MTG2: variants seen among roughly 807,000 people sequenced by gnomAD.
The protein encoded by MTG2 is mitochondrial ribosome-associated GTPase 2.
MTG2 carries 23 observed loss-of-function variants against 28.6 expected under a neutral mutation model. That is an observed-to-expected ratio of 0.80 (90% confidence interval 0.58 to 1.14). The LOEUF (loss-of-function observed/expected upper bound fraction) is 1.14, where lower values mean the gene tolerates loss of function less well. MTG2 is among the 50% of genes most tolerant of loss of function. The pLI is 0.00. For missense variants in MTG2, 539 were observed against 552.0 expected (o/e 0.98, Z 0.24); for synonymous variants, 260 against 251.8 (o/e 1.03, Z -0.31).
At chr20:62,198,028 G>C in intron 4 of MTG2, 61 bp downstream of exon 4, 1 of 1,500,900 alleles carries the variant, frequency 6.7e-7, no homozygotes, top group Non-Finnish European at 9.2e-7. Context: ...CAGCTCCTGG[G>C]GGCCACCGTG....
chr20:62,201,693 G>C lies in MTG2; in HGVS notation c.*616G>C, dbSNP rs145902733. 1 of 152,628 alleles carries C rather than the reference G, an allele frequency of 6.6e-6. No homozygotes were observed. Among genetic ancestry groups the C allele is most frequent in the East Asian group, 1.9e-4 (1 of 5,188 alleles). The allele number at this position is 152,628 out of a possible 1,614,324, so 9.5% of individuals were successfully genotyped here. A position where few individuals can be genotyped will look rare whatever the true frequency, so the allele number is the denominator to read the frequency against. ...AGCTGTGAGCTTTTCTCCATCAGCC[G>C]TCTGAGAAGAGCAGTGAGGCCAGCT... On this transcript the variant is annotated 3_prime_UTR_variant, in exon 7 of 7. Coordinates refer to ENST00000370823, the MANE Select transcript of MTG2 (RefSeq NM_015666.4).
intron 5 of MTG2, 115 bp from the exon 6 acceptor site, chr20:62,199,004 G>C: frequency 1.3e-6 from 2 of 1,553,836 alleles, no homozygotes; most frequent in South Asian, 2.3e-5. Context: ...GTGAGCATGA[G>C]CCCTTGTGAC....
At chr20:62,195,342 G>T (rs551756385) in intron 2 of MTG2, among the ~76,000 whole-genome samples, 1 of 152,204 alleles carries the variant, frequency 6.6e-6, no homozygotes, top group South Asian at 2.1e-4. Flanking sequence ...GTCCAGGAAC[G>T]ATTCTAACTT....
In MTG2 at chr20:62,201,621, G is replaced by A. The variant is rs541172152; in HGVS notation, c.*544G>A. On this transcript the variant is annotated 3_prime_UTR_variant, in exon 7 of 7. Transcript: ENST00000370823. ...GTGTCTCGGGGGGCCTCACTGCTGC[G>A]CAAGGGGTGGGGCCGAGGATGCAAG... 3 of 153,432 alleles carry A rather than the reference G, an allele frequency of 2.0e-5. No homozygotes were observed. Among genetic ancestry groups the A allele is most frequent in the Non-Finnish European group, 4.4e-5 (3 of 68,944 alleles). The allele number at this position is 153,432 out of a possible 1,614,324, so 9.5% of individuals were successfully genotyped here. A position where few individuals can be genotyped will look rare whatever the true frequency, so the allele number is the denominator to read the frequency against.
intron 1 of MTG2, among the ~76,000 whole-genome samples, chr20:62,184,387 T>C (rs578096396): frequency 3.3e-5 from 5 of 150,802 alleles, no homozygotes; most frequent in African/African-American, 1.2e-4. Context: ...AAAAATCAGG[T>C]TTCATGCTCA....
chr20:62,193,417 G>C lies in MTG2; in HGVS notation c.-4G>C, dbSNP rs552298393. On this transcript the variant is annotated splice_region_variant and 5_prime_UTR_variant, in exon 2 of 7. Coordinates refer to ENST00000370823, the MANE Select transcript of MTG2 (RefSeq NM_015666.4). ...ATTTTGCCAATTTGACTTCTGTAGG[G>C]GCCATGGCACCTGCAAGGTGTTTCT... The C allele has an allele frequency of 2.5e-6, 4 of 1,614,048 alleles. No homozygotes were observed. In the South Asian group the frequency reaches 4.4e-5, roughly 18 times the overall value.
chr20:62,192,910 G>A (rs1361356718), intron 1 of MTG2, among the ~76,000 whole-genome samples: 2 of 152,224 alleles, frequency 1.3e-5, no homozygotes, highest in African/African-American at 2.4e-5. Context: ...TGAGGAGGCC[G>A]AGGCCACACA....
Position 62,188,598 on chromosome 20 carries a change from C to T in MTG2, c.-5-4818C>T, listed in dbSNP as rs1377489294. On this transcript the variant is annotated intron_variant, in intron 1 of 6. Coordinates refer to ENST00000370823, the MANE Select transcript of MTG2 (RefSeq NM_015666.4). ...AAATTCCTGGCCTCAAGTTTTTCTCCTGCCTTGGCCTCTCAAACTGCTGGG... is the reference window on the plus strand; with the variant it reads ...AAATTCCTGGCCTCAAGTTTTTCTCTTGCCTTGGCCTCTCAAACTGCTGGG... Among the ~76,000 whole-genome samples, 6 of 143,808 alleles carry T rather than the reference C, an allele frequency of 4.2e-5. No homozygotes were observed. The East Asian group carries it at 6.1e-4, about 15-fold the overall frequency. 94.3% of individuals were successfully genotyped at this position (143,808 alleles called of 152,430 possible). A position where few individuals can be genotyped will look rare whatever the true frequency, so the allele number is the denominator to read the frequency against.
chr20:62,184,097 G>A (rs1005467244), intron 1 of MTG2, among the ~76,000 whole-genome samples: 2 of 152,238 alleles, frequency 1.3e-5, no homozygotes, highest in African/African-American at 2.4e-5. Flanking sequence ...GGTGGCTCAC[G>A]CCTGTAATCC....
intron 1 of MTG2, among the ~76,000 whole-genome samples, chr20:62,191,528 A>G (rs2057959296): frequency 6.6e-6 from 1 of 152,200 alleles, no homozygotes; most frequent in Non-Finnish European, 1.5e-5. Flanking sequence ...AGAATGGCCA[A>G]GGACCCCACA....
In MTG2 at chr20:62,195,835, G is replaced by C; in HGVS notation, c.238G>C (p.Val80Leu). Reference protein sequence around the residue: ...RYFVDYRRVLVCGGNGGAGAS... With the variant: ...RYFVDYRRVLLCGGNGGAGAS... ...CTTTGTGGACTATCGGAGAGTGCTT[G>C]TCTGTGGAGGAAACGGAGGCGCTGG... The change falls in exon 3 of 7, where the codon GTC (valine) becomes CTC (leucine). Residue 80 changes from valine to leucine, a missense_variant. Transcript: ENST00000370823. 3.1e-6 allele frequency: 5 copies of C among 1,614,226 alleles called. No homozygotes were observed. Among genetic ancestry groups the C allele is most frequent in the Non-Finnish European group, 4.2e-6 (5 of 1,180,044 alleles).
intron 1 of MTG2, among the ~76,000 whole-genome samples, chr20:62,191,779 T>C (rs2057965245): frequency 6.6e-6 from 1 of 152,096 alleles, no homozygotes; most frequent in Non-Finnish European, 1.5e-5. Flanking sequence ...ACTGGGGAGC[T>C]CTGGGAGCAG....
intron 4 of MTG2, 89 bp from the exon 5 acceptor site, chr20:62,198,545 T>C: frequency 7.2e-7 from 1 of 1,389,060 alleles, no homozygotes; most frequent in Non-Finnish European, 9.9e-7. Flanking sequence ...TCTTGTCTTC[T>C]TTCCTTAGCG....
intron 1 of MTG2, among the ~76,000 whole-genome samples, chr20:62,186,118 T>C (rs1017180335): frequency 3.4e-4 from 52 of 152,182 alleles, no homozygotes; most frequent in African/African-American, 1.1e-3. Context: ...GCTATGCTTG[T>C]GTTGATGAGC....
intron 1 of MTG2, among the ~76,000 whole-genome samples, chr20:62,192,420 TTG>T (rs2057978565): frequency 6.6e-6 from 1 of 151,816 alleles, no homozygotes; most frequent in South Asian, 2.1e-4. Flanking sequence ...CCCCAGGGAG[TTG>T]TGTGGCTGGC....
chr20:62,186,748 T>G (rs1435214627), intron 1 of MTG2, among the ~76,000 whole-genome samples: 2 of 152,044 alleles, frequency 1.3e-5, no homozygotes, highest in Middle Eastern at 3.2e-3. Context: ...ACGCTGGTCT[T>G]GAACTCCTGA....
At chr20:62,184,313 G>A (rs549941002) in intron 1 of MTG2, among the ~76,000 whole-genome samples, 59 of 151,834 alleles carry the variant, frequency 3.9e-4, no homozygotes, top group Non-Finnish European at 3.4e-4. Flanking sequence ...AGCCGAGACC[G>A]CACCACTCTG....
At chr20:62,192,578 G>A (rs1425549647) in intron 1 of MTG2, among the ~76,000 whole-genome samples, 2 of 152,072 alleles carry the variant, frequency 1.3e-5, no homozygotes, top group Non-Finnish European at 2.9e-5. Flanking sequence ...GTGGGGGTGG[G>A]GCCGAAAGGT....
rs370874974 is a variant in MTG2, at chr20:62,199,136, C to T, written c.705C>T (p.Ala235=). 3.7e-6 allele frequency: 6 copies of T among 1,614,134 alleles called. No individual in the cohort carries two copies. Among genetic ancestry groups the T allele is most frequent in the Middle Eastern group, 1.7e-4 (1 of 6,056 alleles). ...TCCCCCAGGTGGGATTCCCCAACGC[C>T]GGGAAGTCCTCACTGCTCCGGGCCA... ...AHAGMVGFPN[A]GKSSLLRAIS... is the part of the protein sequence containing the mutation. The change falls in exon 6 of 7, where the codon GCC becomes GCT. Residue 235 remains alanine (A), a synonymous_variant. Coordinates refer to ENST00000370823, the MANE Select transcript of MTG2 (RefSeq NM_015666.4).
Sources: allele counts gnomAD v4.1 joint callset (sites outside exome capture counted in the v4.1 genomes callset), GRCh38; gene constraint gnomAD v4.1.1; transcripts MANE v1.5; gene names NCBI Gene and HGNC (gene_info 2026-07-23, HGNC 2026-07-21).